USP8: variants seen among roughly 807,000 people sequenced by gnomAD.
USP8 encodes ubiquitin carboxyl-terminal hydrolase 8.
Under a neutral mutation model 130.0 loss-of-function variants are expected in USP8, and 27 were observed. The observed-to-expected ratio is 0.21, with a 90% CI of 0.15 to 0.29. The LOEUF (loss-of-function observed/expected upper bound fraction) is 0.29, where lower values mean the gene tolerates loss of function less well. USP8 is among the 10% of genes least tolerant of loss of function. The pLI, the probability that USP8 is intolerant of heterozygous loss-of-function variation, is 1.00. For missense variants in USP8, 1,029 were observed against 1,312.2 expected (o/e 0.78, Z 3.33); for synonymous variants, 392 against 444.1 (o/e 0.88, Z 1.48).
At chr15:50,446,505 G>A (rs148434190) in intron 3 of USP8, among the ~76,000 whole-genome samples, 35 of 152,138 alleles carry the variant, frequency 2.3e-4, no homozygotes, top group African/African-American at 7.7e-4. Context: ...TATTCAGAAT[G>A]ATTACATTAT....
intron 7 of USP8, chr15:50,467,231 G>A (rs4380013): frequency 0.23 from 37,714 of 167,256 alleles, 4,792 homozygotes; most frequent in Middle Eastern, 0.33. Flanking sequence ...GGGTAGTCTA[G>A]TCTGTATTAA....
chr15:50,443,971 A>G (rs1030106202), intron 3 of USP8, among the ~76,000 whole-genome samples: 4 of 152,180 alleles, frequency 2.6e-5, no homozygotes, highest in Non-Finnish European at 4.4e-5. Flanking sequence ...GCTCTGTGAA[A>G]TATGTTAAAG....
Position 50,510,791 on chromosome 15 carries a change from T to C in USP8, c.*11703T>C, listed in dbSNP as rs1278123540. On this transcript the variant is annotated 3_prime_UTR_variant, in exon 20 of 20. Coordinates refer to ENST00000307179, the MANE Select transcript of USP8 (RefSeq NM_005154.5). ...CAATGTTTTGTTTTTTGGTTTTTTT[T>C]TTAGAGATGGAGTCTCGCTCTGTCT... 1 of 152,134 alleles carries C rather than the reference T, an allele frequency of 6.6e-6. No homozygotes were observed. Among genetic ancestry groups the C allele is most frequent in the African/African-American group, 2.4e-5 (1 of 41,416 alleles). The allele number at this position is 152,134 out of a possible 1,614,324, so 9.4% of individuals were successfully genotyped here.
intron 7 of USP8, among the ~76,000 whole-genome samples, chr15:50,468,713 C>G (rs28840973): frequency 0.14 from 21,418 of 152,044 alleles, 2,630 homozygotes; most frequent in African/African-American, 0.34. Context: ...TACACTCCCC[C>G]CTCAAGTAGA....
At chr15:50,452,109 G>C (rs1369978799) in intron 4 of USP8, among the ~76,000 whole-genome samples, 1 of 152,216 alleles carries the variant, frequency 6.6e-6, no homozygotes, top group African/African-American at 2.4e-5. Flanking sequence ...AAGACCTAGT[G>C]AGTGGCTAGA....
chr15:50,427,632 G>A (rs1229323288), intron 1 of USP8, among the ~76,000 whole-genome samples: 4 of 146,488 alleles, frequency 2.7e-5, no homozygotes, highest in Non-Finnish European at 5.9e-5. Flanking sequence ...GTGAGTTCTC[G>A]GCTCACTGAA....
chr15:50,447,387 C>T (rs2050476639), intron 3 of USP8, among the ~76,000 whole-genome samples: 1 of 152,084 alleles, frequency 6.6e-6, no homozygotes, highest in African/African-American at 2.4e-5. Flanking sequence ...ACTACAGGCA[C>T]GTGCCTCCAC....
In USP8 at chr15:50,498,606, G is replaced by A. The variant is rs979005566; in HGVS notation, c.3049G>A (p.Asp1017Asn). Residue 1017 changes from aspartate (D) to asparagine (N), a missense_variant, in exon 19 of 20, where the codon GAT (aspartate) becomes AAT (asparagine). By Grantham distance (23) the Asp-to-Asn change is conservative. Around this residue, in one of 4 missense-constraint regions of USP8, gnomAD observed 257 missense variants for 429.8 expected, o/e 0.60. Transcript: ENST00000307179. Reference sequence around the variant, plus strand: ...TGTTTTGTTCTGCAGTTTTTCCTACGATGGCAGGTGGAAACAAAAATTACA... The same window carrying A: ...TGTTTTGTTCTGCAGTTTTTCCTACAATGGCAGGTGGAAACAAAAATTACA... ...LLVHLKRFSY[D>N]GRWKQKLQTS... is the part of the protein sequence containing the mutation. 6.2e-6 allele frequency: 10 copies of A among 1,606,846 alleles called. No homozygotes were observed. Among genetic ancestry groups the A allele is most frequent in the South Asian group, 2.2e-5 (2 of 89,648 alleles).
intron 1 of USP8, among the ~76,000 whole-genome samples, chr15:50,427,816 C>G (rs1400942392): frequency 6.6e-6 from 1 of 151,584 alleles, no homozygotes; most frequent in Non-Finnish European, 1.5e-5. Flanking sequence ...GCCTCAGCCT[C>G]CCAAAGTGCT....
chr15:50,438,095 A>G (rs1332164755), intron 1 of USP8, among the ~76,000 whole-genome samples: 1 of 152,256 alleles, frequency 6.6e-6, no homozygotes, highest in African/African-American at 2.4e-5. Context: ...AATAAATCAC[A>G]AAGTATTAAT....
chr15:50,446,030 G>A (rs113763117), intron 3 of USP8, among the ~76,000 whole-genome samples: 5,416 of 152,162 alleles, frequency 0.036, 141 homozygotes, highest in Non-Finnish European at 0.054. Flanking sequence ...TTAGTGTAGC[G>A]AATTCTAGAT....
At chr15:50,427,279 A>G (rs886499132) in intron 1 of USP8, among the ~76,000 whole-genome samples, 1 of 152,116 alleles carries the variant, frequency 6.6e-6, no homozygotes, top group Non-Finnish European at 1.5e-5. Context: ...TTGTAATGGC[A>G]TATTACAGTT....
At chr15:50,467,850 C>T (rs1340407432) in intron 7 of USP8, among the ~76,000 whole-genome samples, 2 of 151,764 alleles carry the variant, frequency 1.3e-5, no homozygotes. Context: ...AGCCATTGCA[C>T]CCGGCCTATC....
rs769826253 is a variant in USP8, at chr15:50,500,794, C to G, written c.*1706C>G. ...TCAGGCCTGGGTGACTGAATTCTTG[C>G]AGAAAGCAGTGTAGTGGCCACCATC... On this transcript the variant is annotated 3_prime_UTR_variant, in exon 20 of 20. Coordinates refer to ENST00000307179, the MANE Select transcript of USP8 (RefSeq NM_005154.5). 2 of 1,590,620 alleles carry G rather than the reference C, an allele frequency of 1.3e-6. No individual in the cohort carries two copies. The highest frequency in any genetic ancestry group is 1.7e-6 in the Non-Finnish European group (2 of 1,168,140).
chr15:50,439,526 C>T (rs982766157), intron 2 of USP8, among the ~76,000 whole-genome samples: 3 of 152,056 alleles, frequency 2.0e-5, no homozygotes, highest in Non-Finnish European at 4.4e-5. Context: ...CGGTGGCTCA[C>T]GCTTGTAATC....
chr15:50,464,933 A>G, intron 6 of USP8, 114 bp from the exon 7 acceptor site: 2 of 1,037,878 alleles, frequency 1.9e-6, no homozygotes, highest in South Asian at 1.7e-5. Flanking sequence ...TGTGGCATCC[A>G]TATATATTCA....
intron 1 of USP8, among the ~76,000 whole-genome samples, chr15:50,436,427 T>G (rs2050093623): frequency 6.6e-6 from 1 of 152,216 alleles, no homozygotes; most frequent in East Asian, 1.9e-4. Context: ...CTCTATAGTT[T>G]GATATCATAC....
rs529816822 is a variant in USP8 at position 50,511,752 on chromosome 15, C to G, written c.*12664C>G. The G allele has an allele frequency of 2.0e-5, 3 of 152,180 alleles. No individual in the cohort carries two copies. Among genetic ancestry groups the G allele is most frequent in the Non-Finnish European group, 4.4e-5 (3 of 68,054 alleles). The allele number at this position is 152,180 out of a possible 1,614,324, so 9.4% of individuals were successfully genotyped here. A position where few individuals can be genotyped will look rare whatever the true frequency, so the allele number is the denominator to read the frequency against. On this transcript the variant is annotated 3_prime_UTR_variant, in exon 20 of 20. Coordinates refer to ENST00000307179, the MANE Select transcript of USP8 (RefSeq NM_005154.5). Reference sequence around the variant, plus strand: ...TGGCTCACGCCTGTAATCCCAGCACCTGGGGGAGCCGAGGCAGGTGGATCA... The same window carrying G: ...TGGCTCACGCCTGTAATCCCAGCACGTGGGGGAGCCGAGGCAGGTGGATCA...
intron 3 of USP8, among the ~76,000 whole-genome samples, chr15:50,445,391 C>CGTAAAA (rs1204672093): frequency 1.4e-5 from 2 of 147,060 alleles, no homozygotes; most frequent in Non-Finnish European, 1.5e-5. Flanking sequence ...ACTAAAAATA[C>CGTAAAA]AAAAATTAGC....
Sources: gnomAD v4.1 joint callset for allele counts (sites outside exome capture counted in the v4.1 genomes callset) on GRCh38, gnomAD v4.1.1 for gene constraint, gnomAD v4.1.1 regional missense constraint, MANE v1.5 for transcripts, NCBI Gene and HGNC (gene_info 2026-07-23, HGNC 2026-07-21) for gene names.